The following GPC6 variants were observed in gnomAD, a reference collection of about 807,000 sequenced individuals.
GPC6 encodes glypican-6.
GPC6 carries 14 observed loss-of-function variants against 55.2 expected under a neutral mutation model. The observed-to-expected ratio is 0.25, with a 90% CI of 0.17 to 0.40. The LOEUF (loss-of-function observed/expected upper bound fraction) is 0.40. Among genes scored for constraint, GPC6 ranks in the 10% least tolerant of loss-of-function variants. The probability of loss-of-function intolerance (pLI) is 1.00; values close to 1 mark genes in which losing one functional copy is unlikely to be tolerated. For synonymous variants in GPC6, 278 were observed against 259.6 expected, an observed-to-expected ratio of 1.07 and a Z score of -0.68; for missense variants, 641 against 708.5, an observed-to-expected ratio of 0.90 and a Z score of 1.08.
Position 93,956,563 on chromosome 13 carries a change from A to G in GPC6, c.712-71166A>G, listed in dbSNP as rs868358500. 2.6e-5 allele frequency among the ~76,000 whole-genome samples: 4 copies of G among 152,232 alleles called. No homozygotes were observed. In the South Asian group the frequency reaches 8.3e-4, roughly 32 times the overall value. On this transcript the variant is annotated intron_variant, in intron 3 of 8. Coordinates refer to ENST00000377047, the MANE Select transcript of GPC6 (RefSeq NM_005708.5). Reference sequence around the variant, plus strand: ...TATTTGAGGATTAGTATGTGCAGGCACAGCCTGCTCTTTCCACTTTCGCCC... The same window carrying G: ...TATTTGAGGATTAGTATGTGCAGGCGCAGCCTGCTCTTTCCACTTTCGCCC...
chr13:93,641,688 C>A (rs543325714), intron 2 of GPC6, among the ~76,000 whole-genome samples: 4 of 152,130 alleles, frequency 2.6e-5, no homozygotes, highest in African/African-American at 9.6e-5. Flanking sequence ...GGGAGTGGCT[C>A]TTGGTTGATC....
chr13:93,677,351 C>T (rs1371634476), intron 2 of GPC6, among the ~76,000 whole-genome samples: 1 of 151,918 alleles, frequency 6.6e-6, no homozygotes, highest in Non-Finnish European at 1.5e-5. Flanking sequence ...TGGTAGATGT[C>T]AATAAATACA....
At chr13:93,790,527 T>C (rs1016838246) in intron 2 of GPC6, among the ~76,000 whole-genome samples, 3 of 152,194 alleles carry the variant, frequency 2.0e-5, no homozygotes, top group Non-Finnish European at 4.4e-5. Flanking sequence ...TCAGAACCAA[T>C]TCTCTCTTTT....
At chr13:93,876,943 A>G (rs893948178) in intron 3 of GPC6, among the ~76,000 whole-genome samples, 1 of 152,018 alleles carries the variant, frequency 6.6e-6, no homozygotes, top group African/African-American at 2.4e-5. Context: ...TCTTGATTGG[A>G]GATCATTTCC....
intron 5 of GPC6, among the ~76,000 whole-genome samples, chr13:94,289,317 C>T (rs1328337870): frequency 1.3e-5 from 2 of 152,144 alleles, no homozygotes; most frequent in East Asian, 1.9e-4. Flanking sequence ...TGTCTTGAGT[C>T]TGCTGCATGG....
intron 2 of GPC6, among the ~76,000 whole-genome samples, chr13:93,639,378 G>A (rs1283860095): frequency 6.6e-6 from 1 of 152,114 alleles, no homozygotes; most frequent in African/African-American, 2.4e-5. Flanking sequence ...AACCCTTGGG[G>A]AGCCAGAGGA....
intron 2 of GPC6, among the ~76,000 whole-genome samples, chr13:93,591,539 A>T (rs940022678): frequency 2.0e-5 from 3 of 151,724 alleles, no homozygotes; most frequent in Admixed American, 6.6e-5. Context: ...TAACTTTTGC[A>T]TTCCATAATG....
chr13:93,652,112 C>G (rs1880445411), intron 2 of GPC6, among the ~76,000 whole-genome samples: 1 of 152,154 alleles, frequency 6.6e-6, no homozygotes. Flanking sequence ...TTAAAGTTGA[C>G]TTTTTCCAAT....
chr13:93,311,145 G>A (rs1479876799), intron 1 of GPC6, among the ~76,000 whole-genome samples: 3 of 152,288 alleles, frequency 2.0e-5, no homozygotes, highest in East Asian at 3.9e-4. Context: ...AAAGGGTAGG[G>A]CAATGCCAGC....
chr13:94,166,759 A>T (rs1397357404), intron 4 of GPC6, among the ~76,000 whole-genome samples: 2 of 152,228 alleles, frequency 1.3e-5, no homozygotes, highest in Non-Finnish European at 1.5e-5. Context: ...TTGTCAAAGA[A>T]TGCTGACATC....
At chr13:93,547,293 C>G (rs1336325598) in intron 2 of GPC6, among the ~76,000 whole-genome samples, 1 of 152,130 alleles carries the variant, frequency 6.6e-6, no homozygotes, top group Non-Finnish European at 1.5e-5. Context: ...TTGCAGTGAG[C>G]CGAGATCGTG....
At chr13:93,272,255 A>G (rs17267544) in intron 1 of GPC6, among the ~76,000 whole-genome samples, 37,263 of 151,774 alleles carry the variant, frequency 0.25, 4,703 homozygotes, top group African/African-American at 0.3. Context: ...TAGCTTTGGG[A>G]ATATGTAAGT....
At chr13:93,296,788 A>G (rs1175889299) in intron 1 of GPC6, among the ~76,000 whole-genome samples, 1 of 152,196 alleles carries the variant, frequency 6.6e-6, no homozygotes, top group Non-Finnish European at 1.5e-5. Flanking sequence ...CAGACATCTC[A>G]TTCTGAGAGA....
intron 2 of GPC6, among the ~76,000 whole-genome samples, chr13:93,733,239 A>G (rs1883890544): frequency 6.6e-6 from 1 of 152,136 alleles, no homozygotes; most frequent in Non-Finnish European, 1.5e-5. Flanking sequence ...TGAAGAATAC[A>G]TCCTGGTTTT....
intron 1 of GPC6, among the ~76,000 whole-genome samples, chr13:93,417,985 T>C (rs1472030130): frequency 6.6e-6 from 1 of 152,112 alleles, no homozygotes; most frequent in East Asian, 1.9e-4. Context: ...TTTCATACTT[T>C]ATAAGAATCG....
At chr13:94,171,751 G>A (rs1391325976) in intron 4 of GPC6, among the ~76,000 whole-genome samples, 1 of 152,090 alleles carries the variant, frequency 6.6e-6, no homozygotes, top group African/African-American at 2.4e-5. Context: ...ACTTTTCATG[G>A]CATGTAGCTG....
intron 2 of GPC6, among the ~76,000 whole-genome samples, chr13:93,676,126 A>AAAT (rs1881602576): frequency 1.9e-4 from 3 of 15,686 alleles, no homozygotes; most frequent in East Asian, 1.5e-3. Context: ...AAAAAAAAAA[A>AAAT]ATATATATAT....
At chr13:93,849,658 C>A (rs973616971) in intron 3 of GPC6, among the ~76,000 whole-genome samples, 1 of 152,054 alleles carries the variant, frequency 6.6e-6, no homozygotes, top group African/African-American at 2.4e-5. Flanking sequence ...ACTCTTCTTT[C>A]CCTCAGATTT....
At chr13:93,610,918 A>G (rs1878433606) in intron 2 of GPC6, among the ~76,000 whole-genome samples, 1 of 152,134 alleles carries the variant, frequency 6.6e-6, no homozygotes, top group Non-Finnish European at 1.5e-5. Context: ...CAGGTAGTCA[A>G]TACCTTTACA....
Sources: allele counts gnomAD v4.1 joint callset (sites outside exome capture counted in the v4.1 genomes callset), GRCh38; gene constraint gnomAD v4.1.1; transcripts MANE v1.5; gene names NCBI Gene and HGNC (gene_info 2026-07-23, HGNC 2026-07-21).